YARS1: variants seen among roughly 807,000 people sequenced by gnomAD.
YARS1 encodes the protein tyrosine--tRNA ligase, cytoplasmic.
YARS1 carries 36 observed loss-of-function variants against 62.2 expected under a neutral mutation model. The observed-to-expected ratio is 0.58, with a 90% confidence interval of 0.44 to 0.76. YARS1 has a LOEUF of 0.76. Ranked by LOEUF, YARS1 falls within the 30% of genes least tolerant of loss-of-function variation. The probability of loss-of-function intolerance (pLI) is 0.00; values close to 1 mark genes in which losing one functional copy is unlikely to be tolerated. For missense variants in YARS1, 524 were observed against 639.8 expected (o/e 0.82, Z 1.95); for synonymous variants, 234 against 244.9 (o/e 0.96, Z 0.42).
At position 32,775,851 on chromosome 1, in the gene YARS1, G is replaced by C. The variant is rs1652838131; in HGVS notation, c.*130C>G. On this transcript the variant is annotated 3_prime_UTR_variant, in exon 13 of 13. Transcript: ENST00000373477. ...GGTAAGCTGCCCCTTGCCGAGTTCT[G>C]CACCGAATAAAGAGTCCAAACCCGC... is the stretch of plus-strand genomic sequence containing the variant. 3.5e-6 allele frequency: 3 copies of C among 866,444 alleles called. No homozygotes were observed. In the African/African-American group the frequency reaches 5.0e-5, roughly 14 times the overall value. 53.7% of individuals were successfully genotyped at this position (866,444 alleles called of 1,614,324 possible). A position where few individuals can be genotyped will look rare whatever the true frequency, so the allele number is the denominator to read the frequency against.
At chr1:32,804,215 G>T (rs538887014) in intron 4 of YARS1, among the ~76,000 whole-genome samples, 23 of 152,298 alleles carry the variant, frequency 1.5e-4, no homozygotes, top group African/African-American at 5.5e-4. Flanking sequence ...CGACAAAACC[G>T]CCATCGTCAT....
At chr1:32,787,847 T>G (rs1653285835) in intron 6 of YARS1, among the ~76,000 whole-genome samples, 2 of 152,306 alleles carry the variant, frequency 1.3e-5, no homozygotes, top group South Asian at 4.1e-4. Flanking sequence ...CTGGGCACAG[T>G]GGCTCACACC....
At chr1:32,780,900 C>T in intron 10 of YARS1, 148 bp downstream of exon 10, 1 of 749,114 alleles carries the variant, frequency 1.3e-6, no homozygotes, top group Non-Finnish European at 2.3e-6. Flanking sequence ...CAACAGAAAG[C>T]CTGATGCCTG....
chr1:32,777,842 G>A (rs114775813), intron 12 of YARS1, among the ~76,000 whole-genome samples: 238 of 152,086 alleles, frequency 1.6e-3, no homozygotes, highest in African/African-American at 5.3e-3. Context: ...AACCATAAAC[G>A]TATTATCACT....
intron 1 of YARS1, 98 bp from the exon 2 acceptor site, chr1:32,811,155 T>G: frequency 6.3e-7 from 1 of 1,578,364 alleles, no homozygotes; most frequent in Non-Finnish European, 8.7e-7. Flanking sequence ...TCAGTGGAGA[T>G]CCAGGCTCAG....
chr1:32,782,312 G>A, intron 9 of YARS1, 92 bp downstream of exon 9: 2 of 1,605,660 alleles, frequency 1.2e-6, no homozygotes, highest in Non-Finnish European at 1.7e-6. Flanking sequence ...CCCCTGGGTT[G>A]TTGTGCCCTC....
At chr1:32,799,039 A>T (rs997755632) in intron 4 of YARS1, among the ~76,000 whole-genome samples, 1 of 152,194 alleles carries the variant, frequency 6.6e-6, no homozygotes, top group Admixed American at 6.5e-5. Flanking sequence ...AACAGTGTTG[A>T]CATAAAAGAA....
chr1:32,789,387 A>G (rs1226559043), intron 6 of YARS1, among the ~76,000 whole-genome samples: 1 of 152,204 alleles, frequency 6.6e-6, no homozygotes, highest in African/African-American at 2.4e-5. Flanking sequence ...GCAATCAGCC[A>G]CACTAAGTAT....
At position 32,780,215 on chromosome 1, in the gene YARS1, C is replaced by A; in HGVS notation, c.1204G>T (p.Val402Leu). ...IDVGEAEPRT[V>L]VSGLVQFVPK... is the part of the protein sequence containing the mutation. ...ACGAACTGTACCAGGCCGCTCACCACAGTCCGTGGTTCAGCTTCCCCCACG... is the reference window on the plus strand; with the variant it reads ...ACGAACTGTACCAGGCCGCTCACCAAAGTCCGTGGTTCAGCTTCCCCCACG... Residue 402 changes from valine (V) to leucine (L), a missense_variant, in exon 11 of 13, where the codon GTG (valine) becomes TTG (leucine). By Grantham distance (32) the Val-to-Leu change is conservative. Transcript: ENST00000373477. The A allele has an allele frequency of 6.2e-7, 1 of 1,614,202 alleles. No individual in the cohort carries two copies. Among genetic ancestry groups the A allele is most frequent in the South Asian group, 1.1e-5 (1 of 91,088 alleles).
intron 5 of YARS1, among the ~76,000 whole-genome samples, chr1:32,797,033 TATATATATATATATATAG>T (rs1358661553): frequency 3.4e-5 from 2 of 58,530 alleles, no homozygotes; most frequent in African/African-American, 1.5e-4. Flanking sequence ...TATATATATA[TATATATATATATATATAG>T]TAAGCATTTC....
At chr1:32,804,471 C>T (rs1472551913) in intron 4 of YARS1, among the ~76,000 whole-genome samples, 26 of 151,938 alleles carry the variant, frequency 1.7e-4, no homozygotes, top group Admixed American at 6.6e-4. Flanking sequence ...TCCTCACTTC[C>T]CAGACGGGGC....
chr1:32,807,005 G>A (rs551103125), intron 3 of YARS1, among the ~76,000 whole-genome samples: 2 of 152,274 alleles, frequency 1.3e-5, no homozygotes, highest in African/African-American at 4.8e-5. Context: ...AACTAGGCAT[G>A]GAGCCCAGAC....
At chr1:32,797,479 T>C (rs1200808076) in intron 5 of YARS1, 10 of 488,890 alleles carry the variant, frequency 2.0e-5, no homozygotes, top group Non-Finnish European at 3.7e-5. Flanking sequence ...ACTGGGCTAT[T>C]AGGAAAGGAG....
intron 8 of YARS1, among the ~76,000 whole-genome samples, chr1:32,786,074 A>C (rs1430263938): frequency 6.6e-6 from 1 of 152,100 alleles, no homozygotes; most frequent in Non-Finnish European, 1.5e-5. Flanking sequence ...ATGTTTCCTG[A>C]GAAGAGGTGA....
At chr1:32,814,338 G>C (rs186061839) in intron 1 of YARS1, among the ~76,000 whole-genome samples, 2 of 152,048 alleles carry the variant, frequency 1.3e-5, no homozygotes, top group Non-Finnish European at 2.9e-5. Flanking sequence ...CAGGATTACC[G>C]TAACATTCTC....
At chr1:32,809,650 C>T (rs1638539016) in intron 3 of YARS1, among the ~76,000 whole-genome samples, 1 of 152,126 alleles carries the variant, frequency 6.6e-6, no homozygotes, top group Non-Finnish European at 1.5e-5. Flanking sequence ...GGGTTCACAT[C>T]CTGACTCATC....
rs1479268714 is a variant in YARS1 at position 32,804,670 on chromosome 1, C to T, written c.510+1812G>A. On this transcript the variant is annotated intron_variant, in intron 4 of 12. Transcript: ENST00000373477. Reference sequence around the variant, plus strand: ...GCAGAGGTGCTCCCCACATCTGAGACGATGGGCAGCCGGGCAGAGACGCTC... The same window carrying T: ...GCAGAGGTGCTCCCCACATCTGAGATGATGGGCAGCCGGGCAGAGACGCTC... Among the ~76,000 whole-genome samples, 7 of 143,596 alleles carry T rather than the reference C, an allele frequency of 4.9e-5. No individual in the cohort carries two copies. In the East Asian group the frequency reaches 1.3e-3, roughly 27 times the overall value. 94.2% of individuals were successfully genotyped at this position (143,596 alleles called of 152,430 possible).
rs1638760725 is a variant in YARS1, at chr1:32,817,002, T to C, written c.57+186A>G. 5.5e-6 allele frequency: 4 copies of C among 731,832 alleles called. No homozygotes were observed. In the East Asian group the frequency reaches 1.1e-4, roughly 19 times the overall value. The allele number at this position is 731,832 out of a possible 1,614,324, so 45.3% of individuals were successfully genotyped here. ...CAAGAGGTGAGCCCACTGTGATTTC[T>C]GGGGAACCCAGGGAAGGGCTGCTTG... is the stretch of plus-strand genomic sequence containing the variant. On this transcript the variant is annotated intron_variant, in intron 1 of 12. Transcript: ENST00000373477.
chr1:32,801,398 T>C (rs1638289981), intron 4 of YARS1, among the ~76,000 whole-genome samples: 1 of 152,130 alleles, frequency 6.6e-6, no homozygotes. Flanking sequence ...TAGCGTTACA[T>C]CTACAAAAAC....
Sources: gnomAD v4.1 joint callset for allele counts (sites outside exome capture counted in the v4.1 genomes callset) on GRCh38, gnomAD v4.1.1 for gene constraint, MANE v1.5 for transcripts, NCBI Gene and HGNC (gene_info 2026-07-23, HGNC 2026-07-21) for gene names.